Variants in DAB2IP observed in about 807,000 individuals in gnomAD.
DAB2IP encodes the protein DAB2 interacting protein, also known as disabled homolog 2-interacting protein.
DAB2IP carries 28 observed loss-of-function variants against 107.2 expected under a neutral mutation model. That is an observed-to-expected ratio of 0.26 (90% CI 0.19 to 0.36). DAB2IP has a LOEUF of 0.36. Ranked by LOEUF, DAB2IP falls within the 10% of genes least tolerant of loss-of-function variation. The pLI, the probability that DAB2IP is intolerant of heterozygous loss-of-function variation, is 1.00. For synonymous variants in DAB2IP, 755 were observed against 706.4 expected (o/e 1.07, Z -1.09); for missense variants, 1,400 against 1,644.7 (o/e 0.85, Z 2.57).
intron 1 of DAB2IP, among the ~76,000 whole-genome samples, chr9:121,669,158 C>T (rs2119112078): frequency 6.6e-6 from 1 of 152,248 alleles, no homozygotes. Context: ...TCTCGAACTC[C>T]TGGCCTCAAG....
upstream of DAB2IP, among the ~76,000 whole-genome samples, chr9:121,650,339 C>T (rs531670564): frequency 7.2e-5 from 11 of 152,200 alleles, no homozygotes; most frequent in Non-Finnish European, 1.2e-4. Flanking sequence ...ACAGGCTCCG[C>T]AGGACTAGGG....
chr9:121,666,190 A>G (rs1444385060), intron 1 of DAB2IP, among the ~76,000 whole-genome samples: 1 of 152,120 alleles, frequency 6.6e-6, no homozygotes, highest in Non-Finnish European at 1.5e-5. Flanking sequence ...TGCTTCCATC[A>G]TCGCATTGCT....
At chr9:121,595,256 TGAA>T (rs1047410944) in intron 1 of DAB2IP, among the ~76,000 whole-genome samples, 2 of 148,978 alleles carry the variant, frequency 1.3e-5, no homozygotes, top group African/African-American at 4.9e-5. Context: ...AAAAAAGTGA[TGAA>T]GAATAAAACA....
rs1829881258 is a variant in DAB2IP, at chr9:121,703,341, G to C, written c.362+3883G>C. On this transcript the variant is annotated intron_variant, in intron 3 of 15. Coordinates refer to ENST00000408936, the Ensembl canonical transcript of DAB2IP. ...AGGCAGGACTGGGCACCCAAGTCTG[G>C]TGTTTCTTGCCCTTGTTCCCTCCCC... Among the ~76,000 whole-genome samples, 3 of 152,182 alleles carry C rather than the reference G, an allele frequency of 2.0e-5. No homozygotes were observed. The South Asian group carries it at 6.2e-4, about 32-fold the overall frequency.
intron 1 of DAB2IP, among the ~76,000 whole-genome samples, chr9:121,607,106 G>A (rs769595352): frequency 2.6e-5 from 4 of 152,076 alleles, no homozygotes; most frequent in Non-Finnish European, 5.9e-5. Flanking sequence ...GAGAACACCT[G>A]CGCAGATGGG....
chr9:121,709,344 T>A (rs1830219453), intron 3 of DAB2IP, among the ~76,000 whole-genome samples: 1 of 152,128 alleles, frequency 6.6e-6, no homozygotes, highest in African/African-American at 2.4e-5. Context: ...GGCAAGCTGC[T>A]TCTGATGCTG....
intron 15 of DAB2IP, 101 bp downstream of exon 15, chr9:121,781,652 C>CTT (rs1835661977): frequency 5.8e-6 from 7 of 1,202,444 alleles, no homozygotes; most frequent in Admixed American, 1.9e-5. Flanking sequence ...ACTGCAGACA[C>CTT]TGAGGGGAAT....
At chr9:121,730,719 A>C (rs558971247) in intron 3 of DAB2IP, among the ~76,000 whole-genome samples, 3 of 152,370 alleles carry the variant, frequency 2.0e-5, no homozygotes, top group African/African-American at 7.2e-5. Context: ...CAGACCTTAG[A>C]GTCAGGCACA....
At chr9:121,643,644 C>G (rs1832437359) in intron 1 of DAB2IP, among the ~76,000 whole-genome samples, 1 of 152,060 alleles carries the variant, frequency 6.6e-6, no homozygotes, top group African/African-American at 2.4e-5. Flanking sequence ...GCAGTCAACT[C>G]CTACTCAGCC....
chr9:121,763,316 G>T (rs1834030576), intron 6 of DAB2IP, among the ~76,000 whole-genome samples, 189 bp from the exon 7 acceptor site: 1 of 152,150 alleles, frequency 6.6e-6, no homozygotes, highest in Non-Finnish European at 1.5e-5. Context: ...CCCTGGCTGG[G>T]GGCCCCTGCC....
Position 121,762,713 on chromosome 9 carries a change from T to A in DAB2IP, c.1171-792T>A, listed in dbSNP as rs1179447680. ...CCCTCCCTTGAAACTATGACAGTTT[T>A]TCCTATTTTCTTCCCCTCCCCCAAG... is the stretch of plus-strand genomic sequence containing the variant. On this transcript the variant is annotated intron_variant, in intron 6 of 15. Coordinates refer to ENST00000408936, the Ensembl canonical transcript of DAB2IP. Among the ~76,000 whole-genome samples the A allele has an allele frequency of 4.6e-5, 7 of 152,314 alleles. No individual in the cohort carries two copies. In the East Asian group the frequency reaches 1.2e-3, roughly 25 times the overall value.
chr9:121,618,055 C>T (rs76399799), intron 1 of DAB2IP, among the ~76,000 whole-genome samples: 10,724 of 152,222 alleles, frequency 0.07, 439 homozygotes, highest in Non-Finnish European at 0.096. Flanking sequence ...TCAGCCAGGG[C>T]GCTTTAGGTA....
At chr9:121,773,608 C>T in intron 12 of DAB2IP, 113 bp downstream of exon 12, 1 of 1,262,076 alleles carries the variant, frequency 7.9e-7, no homozygotes, top group Non-Finnish European at 1.0e-6. Context: ...CACCCAGCTG[C>T]CATCCCATCC....
chr9:121,773,061 G>A (rs756026867), exon 12 of DAB2IP: 24 of 1,612,428 alleles, frequency 1.5e-5, no homozygotes, highest in Non-Finnish European at 1.9e-5. Context: ...GTCACCCCGT[G>A]GCCTTGGCGA....
chr9:121,743,513 G>A (rs1832500450), intron 3 of DAB2IP, among the ~76,000 whole-genome samples: 1 of 152,054 alleles, frequency 6.6e-6, no homozygotes, highest in South Asian at 2.1e-4. Context: ...GTAGGACACT[G>A]GCCCTTTAAA....
chr9:121,580,916 C>T (rs954024486), intron 1 of DAB2IP, among the ~76,000 whole-genome samples: 7 of 152,232 alleles, frequency 4.6e-5, no homozygotes, highest in Admixed American at 1.3e-4. Flanking sequence ...TGAGCCACCG[C>T]GCCTGGCCGC....
At chr9:121,716,200 G>T (rs1830594384) in intron 3 of DAB2IP, among the ~76,000 whole-genome samples, 1 of 152,190 alleles carries the variant, frequency 6.6e-6, no homozygotes. Flanking sequence ...GGCCTCCAAG[G>T]GATGGTGGTA....
chr9:121,716,647 A>C (rs1830618885), intron 3 of DAB2IP, among the ~76,000 whole-genome samples: 2 of 152,122 alleles, frequency 1.3e-5, no homozygotes, highest in Admixed American at 1.3e-4. Flanking sequence ...AGGAGACACC[A>C]GTGGGCATCC....
At chr9:121,723,953 A>G (rs558646164) in intron 3 of DAB2IP, among the ~76,000 whole-genome samples, 1 of 152,268 alleles carries the variant, frequency 6.6e-6, no homozygotes, top group Non-Finnish European at 1.5e-5. Context: ...CTTCTCTGAG[A>G]GTCTGCCTGA....
Sources: gnomAD v4.1 joint callset for allele counts (sites outside exome capture counted in the v4.1 genomes callset) on GRCh38, gnomAD v4.1.1 for gene constraint, MANE v1.5 for transcripts, NCBI Gene and HGNC (gene_info 2026-07-23, HGNC 2026-07-21) for gene names.